The following CDH10 variants were observed in gnomAD, a reference collection of about 807,000 sequenced individuals.
CDH10 encodes the protein cadherin 10.
A neutral mutation model predicts 73.1 loss-of-function variants in CDH10; 30 were observed. The ratio of observed to expected loss-of-function variants is 0.41; its 90% CI spans 0.31 to 0.56. The LOEUF (loss-of-function observed/expected upper bound fraction) is 0.56, where lower values mean the gene tolerates loss of function less well. Ranked by LOEUF, CDH10 falls within the 20% of genes least tolerant of loss-of-function variation. The pLI, the probability that CDH10 is intolerant of heterozygous loss-of-function variation, is 0.27. For synonymous variants in CDH10, 345 were observed against 348.2 expected, an observed-to-expected ratio of 0.99 and a Z score of 0.10; for missense variants, 815 against 973.7, an observed-to-expected ratio of 0.84 and a Z score of 2.17.
chr5:24,530,698 T>A (rs1241541783), intron 5 of CDH10, among the ~76,000 whole-genome samples: 1 of 152,062 alleles, frequency 6.6e-6, no homozygotes, highest in Non-Finnish European at 1.5e-5. Context: ...TTATTTCGTA[T>A]ACATTTTAAT....
At chr5:24,546,695 C>A (rs1027747728) in intron 2 of CDH10, among the ~76,000 whole-genome samples, 3 of 151,970 alleles carry the variant, frequency 2.0e-5, no homozygotes, top group Non-Finnish European at 2.9e-5. Flanking sequence ...AAACTCTTAA[C>A]CTGTAACAAT....
chr5:24,537,821 C>T (rs945911305), intron 2 of CDH10, 147 bp from the exon 3 acceptor site: 1 of 582,768 alleles, frequency 1.7e-6, no homozygotes, highest in African/African-American at 1.9e-5. Flanking sequence ...TAAGTTTGAT[C>T]ACACGCATTT....
At chr5:24,513,141 C>T (rs1027975603) in intron 5 of CDH10, among the ~76,000 whole-genome samples, 1 of 151,832 alleles carries the variant, frequency 6.6e-6, no homozygotes, top group Non-Finnish European at 1.5e-5. Flanking sequence ...GCCTCAGCCT[C>T]CTGAGTAGAT....
chr5:24,493,905 CATT>C, intron 9 of CDH10, among the ~76,000 whole-genome samples: 1 of 151,920 alleles, frequency 6.6e-6, no homozygotes, highest in South Asian at 2.1e-4. Context: ...AAGTTAAAAA[CATT>C]ATGTCAAAAA....
chr5:24,562,566 T>C (rs1217082616), intron 2 of CDH10, among the ~76,000 whole-genome samples: 1 of 152,200 alleles, frequency 6.6e-6, no homozygotes, highest in African/African-American at 2.4e-5. Context: ...ACTATTTGAC[T>C]GTATTTTATC....
chr5:24,511,527 A>G lies in CDH10; in HGVS notation c.815-13T>C, dbSNP rs1742904251. The G allele has an allele frequency of 3.4e-6, 4 of 1,190,970 alleles. No individual in the cohort carries two copies. The highest frequency in any genetic ancestry group is 4.9e-6 in the Non-Finnish European group (4 of 808,466). 73.8% of individuals were successfully genotyped at this position (1,190,970 alleles called of 1,614,324 possible). A position where few individuals can be genotyped will look rare whatever the true frequency, so the allele number is the denominator to read the frequency against. The stretch of plus-strand genomic sequence containing the variant: ...AGATGAATAGTGTCTGTAAAGTATA[A>G]AGAAAAGAAGAGAGAGACAGAGAGA... On this transcript the variant is annotated splice_polypyrimidine_tract_variant and intron_variant, in intron 5 of 11. Transcript: ENST00000264463.
chr5:24,547,483 T>C (rs780384093), intron 2 of CDH10, among the ~76,000 whole-genome samples: 7 of 152,196 alleles, frequency 4.6e-5, no homozygotes, highest in South Asian at 2.1e-4. Context: ...GAAAGGGCAC[T>C]TCTAGGAGAA....
Position 24,598,319 on chromosome 5 carries a change from T to C in CDH10, c.-123-4706A>G, listed in dbSNP as rs190691434. Among the ~76,000 whole-genome samples, 931 of 152,074 alleles carry C rather than the reference T, an allele frequency of 6.1e-3. 16 individuals are homozygous for C. Among genetic ancestry groups the C allele is most frequent in the African/African-American group, 0.022 (905 of 41,532 alleles). On this transcript the variant is annotated intron_variant, in intron 1 of 11. Transcript: ENST00000264463. ...TACTGTGCTCTATTGTCATAGAAAA[T>C]GTATAATTCTACATTGAATATTTAT...
chr5:24,595,498 G>A (rs547200706), intron 1 of CDH10, among the ~76,000 whole-genome samples: 6 of 152,068 alleles, frequency 3.9e-5, no homozygotes, highest in African/African-American at 1.4e-4. Context: ...TCTACTTGGA[G>A]TTTAGAAATT....
chr5:24,631,499 GC>G (rs1252451804), intron 1 of CDH10, among the ~76,000 whole-genome samples: 1 of 151,922 alleles, frequency 6.6e-6, no homozygotes, highest in Non-Finnish European at 1.5e-5. Context: ...GATCAGCTCA[GC>G]CAGGTCTTTG....
At chr5:24,639,692 TTG>T (rs1747983189) in intron 1 of CDH10, among the ~76,000 whole-genome samples, 2 of 151,818 alleles carry the variant, frequency 1.3e-5, no homozygotes, top group Admixed American at 1.3e-4. Context: ...CTGGTAATAC[TTG>T]TTTCTTGCAG....
At chr5:24,547,557 C>T (rs1332814578) in intron 2 of CDH10, among the ~76,000 whole-genome samples, 1 of 152,106 alleles carries the variant, frequency 6.6e-6, no homozygotes, top group Admixed American at 6.6e-5. Flanking sequence ...TCTTCAAGCA[C>T]ATTGCCAGTC....
chr5:24,502,451 A>T (rs1272044740), intron 8 of CDH10, among the ~76,000 whole-genome samples: 1 of 152,164 alleles, frequency 6.6e-6, no homozygotes, highest in African/African-American at 2.4e-5. Flanking sequence ...CACTGACTGT[A>T]AAGTCAGTGT....
intron 7 of CDH10, 70 bp from the exon 8 acceptor site, chr5:24,505,318 G>GTGTGGGTTTGCATTTCA: frequency 1.7e-6 from 2 of 1,181,626 alleles, no homozygotes; most frequent in Non-Finnish European, 2.5e-6. Flanking sequence ...ATAGTGAAAT[G>GTGTGGGTTTGCATTTCA]CAAACCCACA....
At chr5:24,618,085 T>C (rs1447106049) in intron 1 of CDH10, among the ~76,000 whole-genome samples, 1 of 152,196 alleles carries the variant, frequency 6.6e-6, no homozygotes, top group Non-Finnish European at 1.5e-5. Flanking sequence ...GTTCATTTTT[T>C]GGTTTTCAGA....
intron 1 of CDH10, among the ~76,000 whole-genome samples, chr5:24,640,181 AT>A (rs889840672): frequency 5.3e-5 from 8 of 151,726 alleles, no homozygotes; most frequent in Non-Finnish European, 7.4e-5. Context: ...CAACAGGGCA[AT>A]TTTTTTTAAA....
At chr5:24,517,302 A>G (rs896745168) in intron 5 of CDH10, among the ~76,000 whole-genome samples, 1 of 152,216 alleles carries the variant, frequency 6.6e-6, no homozygotes, top group African/African-American at 2.4e-5. Context: ...GTGAAACACA[A>G]TTCTAACGCC....
At chr5:24,592,745 A>G (rs1746242285) in intron 2 of CDH10, among the ~76,000 whole-genome samples, 1 of 151,836 alleles carries the variant, frequency 6.6e-6, no homozygotes, top group Non-Finnish European at 1.5e-5. Flanking sequence ...GTGACCTAAG[A>G]AAAATAAATA....
At chr5:24,642,262 C>T (rs938732835) in intron 1 of CDH10, among the ~76,000 whole-genome samples, 84 of 152,056 alleles carry the variant, frequency 5.5e-4, no homozygotes, top group African/African-American at 2.0e-3. Context: ...TCCAGTAAGA[C>T]GTGTTATCAC....
Sources: gnomAD v4.1 joint callset for allele counts (sites outside exome capture counted in the v4.1 genomes callset) on GRCh38, gnomAD v4.1.1 for gene constraint, MANE v1.5 for transcripts, NCBI Gene and HGNC (gene_info 2026-07-23, HGNC 2026-07-21) for gene names.